FAM156A: variants seen among roughly 807,000 people sequenced by gnomAD.
FAM156A encodes the protein family with sequence similarity 156 member A.
At chrX:52,991,439 A>G (rs150507183) in intron 1 of FAM156A, among the ~76,000 whole-genome samples, 2,817 of 110,955 alleles carry the variant, frequency 0.025, 42 homozygotes, top group Middle Eastern at 0.11. Context: ...CACCCACGCC[A>G]ATCTTCCTCC....
At chrX:52,991,454 G>GA (rs1190823307) in intron 1 of FAM156A, among the ~76,000 whole-genome samples, 1 of 111,330 alleles carries the variant, frequency 9.0e-6, no homozygotes, top group Non-Finnish European at 1.9e-5. Flanking sequence ...TCCTCCATCG[G>GA]TTCACTGATT....
chrX:52,987,322 T>C (rs1488380065), intron 1 of FAM156A, among the ~76,000 whole-genome samples: 1 of 111,849 alleles, frequency 8.9e-6, no homozygotes, highest in Non-Finnish European at 1.9e-5. Context: ...AGATACAAAC[T>C]GATTCTAAAA....
At chrX:52,982,813 C>T (rs944409779) in intron 1 of FAM156A, among the ~76,000 whole-genome samples, 1 of 113,110 alleles carries the variant, frequency 8.8e-6, no homozygotes, top group Admixed American at 9.3e-5. Flanking sequence ...TGCATAACTT[C>T]TTATCCCTTT....
At chrX:52,993,697 G>A (rs1930965759) in intron 1 of FAM156A, among the ~76,000 whole-genome samples, 2 of 111,274 alleles carry the variant, frequency 1.8e-5, no homozygotes, top group Non-Finnish European at 3.8e-5. Flanking sequence ...TTACAGGCAT[G>A]AGCCACTGCG....
intron 1 of FAM156A, among the ~76,000 whole-genome samples, chrX:52,993,979 G>A (rs1019859340): frequency 2.7e-5 from 3 of 110,965 alleles, no homozygotes; most frequent in African/African-American, 9.8e-5. Flanking sequence ...ACATACTGAG[G>A]TTCAAGGAGA....
intron 1 of FAM156A, among the ~76,000 whole-genome samples, chrX:52,975,985 C>T (rs1556792098): frequency 9.0e-6 from 1 of 111,438 alleles, no homozygotes; most frequent in Non-Finnish European, 1.9e-5. Context: ...ATCCACACCA[C>T]CCTGCCTCCC....
At chrX:52,990,396 G>T (rs991316817) in intron 1 of FAM156A, among the ~76,000 whole-genome samples, 1 of 111,467 alleles carries the variant, frequency 9.0e-6, no homozygotes, top group South Asian at 3.8e-4. Flanking sequence ...CAACAGACAC[G>T]GAGAAGAGGA....
intron 1 of FAM156A, among the ~76,000 whole-genome samples, chrX:52,986,226 T>C (rs1930272587): frequency 9.8e-6 from 1 of 102,469 alleles, no homozygotes; most frequent in African/African-American, 3.6e-5. Flanking sequence ...AGTATAATAA[T>C]AATAAAATTA....
chrX:52,985,678 C>T (rs1290446233), intron 1 of FAM156A, among the ~76,000 whole-genome samples: 3 of 111,252 alleles, frequency 2.7e-5, no homozygotes, highest in Non-Finnish European at 3.8e-5. Flanking sequence ...CTATGAATAA[C>T]TAATGAATAC....
intron 1 of FAM156A, among the ~76,000 whole-genome samples, chrX:52,973,791 T>C (rs1238548945): frequency 3.5e-4 from 39 of 110,391 alleles, no homozygotes; most frequent in African/African-American, 1.3e-3. Flanking sequence ...GCCTCCTAAG[T>C]AGCTGTGACT....
chrX:52,984,678 G>A (rs1418998823), intron 1 of FAM156A, among the ~76,000 whole-genome samples: 3 of 111,423 alleles, frequency 2.7e-5, no homozygotes, highest in Non-Finnish European at 5.7e-5. Flanking sequence ...GACCAGCCTG[G>A]CCAACAGGAT....
intron 1 of FAM156A, among the ~76,000 whole-genome samples, chrX:52,980,536 T>C (rs781845555): frequency 8.9e-6 from 1 of 111,733 alleles, no homozygotes; most frequent in African/African-American, 3.2e-5. Context: ...CAGGATGGGA[T>C]AGAGGACCTC....
intron 1 of FAM156A, among the ~76,000 whole-genome samples, chrX:52,993,408 CTTTTTTTTTTTTTT>C (rs147840894): frequency 2.3e-5 from 1 of 42,592 alleles, no homozygotes. Flanking sequence ...TCTTAACTTT[CTTTTTTTTTTTTTT>C]TTTTTTTTTT....
At chrX:52,981,015 T>C (rs1216163469) in intron 1 of FAM156A, among the ~76,000 whole-genome samples, 1 of 108,379 alleles carries the variant, frequency 9.2e-6, no homozygotes, top group Non-Finnish European at 1.9e-5. Flanking sequence ...TTTTTTTTTT[T>C]CTTTAAGACT....
intron 1 of FAM156A, among the ~76,000 whole-genome samples, chrX:52,976,700 G>A (rs1556792331): frequency 9.0e-6 from 1 of 111,085 alleles, no homozygotes; most frequent in Non-Finnish European, 1.9e-5. Context: ...TTCCCATAAT[G>A]ACAGTGACAA....
intron 1 of FAM156A, among the ~76,000 whole-genome samples, chrX:52,981,987 C>T (rs1378193141): frequency 9.0e-6 from 1 of 110,739 alleles, no homozygotes; most frequent in African/African-American, 3.3e-5. Flanking sequence ...CAAAACTTTC[C>T]ACTTCTTACA....
intron 1 of FAM156A, among the ~76,000 whole-genome samples, chrX:52,995,051 A>G (rs1048677215): frequency 2.2e-4 from 24 of 111,613 alleles, no homozygotes; most frequent in Non-Finnish European, 3.4e-4. Flanking sequence ...AAAATATCCC[A>G]TTCAGACACA....
chrX:52,991,176 G>A (rs1930740656), intron 1 of FAM156A, among the ~76,000 whole-genome samples: 1 of 111,562 alleles, frequency 9.0e-6, no homozygotes, highest in Non-Finnish European at 1.9e-5. Flanking sequence ...GACTGTGGGG[G>A]CTGAGAAGTC....
intron 1 of FAM156A, among the ~76,000 whole-genome samples, chrX:52,973,626 C>T (rs1371893656): frequency 8.9e-6 from 1 of 112,015 alleles, no homozygotes; most frequent in Admixed American, 9.5e-5. Context: ...ACACACAGAA[C>T]TTCACAGTAC....
Sources: allele counts gnomAD v4.1 joint callset (sites outside exome capture counted in the v4.1 genomes callset), GRCh38; gene constraint gnomAD v4.1.1; transcripts MANE v1.5; gene names NCBI Gene and HGNC (gene_info 2026-07-23, HGNC 2026-07-21).